Variants in ADGRG6 observed in about 807,000 individuals in gnomAD.
ADGRG6 encodes G-protein coupled receptor 126.
ADGRG6 carries 84 observed loss-of-function variants against 142.4 expected under a neutral mutation model. The ratio of observed to expected loss-of-function variants is 0.59; its 90% CI spans 0.49 to 0.71. ADGRG6 has a LOEUF of 0.71. Among genes scored for constraint, ADGRG6 ranks in the 30% least tolerant of loss-of-function variants. The pLI is 0.00. For missense variants in ADGRG6, 1,367 were observed against 1,466.6 expected (o/e 0.93, Z 1.11); for synonymous variants, 521 against 520.5 (o/e 1.00, Z -0.01).
Position 142,309,590 on chromosome 6 carries a change from C to G in ADGRG6, c.49C>G (p.Pro17Ala), listed in dbSNP as rs1488263634. ...GTGGAGCTGCCATTGGAAATGGAAG[C>G]CCAGTCCTCTCCTGTTCTTATTTGC... is the stretch of plus-strand genomic sequence containing the variant. ...RMWSCHWKWK[P>A]SPLLFLFALY... The change falls in exon 2 of 25, where the codon CCC (proline) becomes GCC (alanine). Residue 17 changes from proline to alanine, a missense_variant. This residue lies in a region of ADGRG6 where 737 missense variants were observed against 746.5 expected (regional missense o/e 0.99). Coordinates refer to ENST00000367609, the MANE Select transcript of ADGRG6 (RefSeq NM_198569.3). The G allele has an allele frequency of 6.2e-7, 1 of 1,609,332 alleles. No individual in the cohort carries two copies. Among genetic ancestry groups the G allele is most frequent in the African/African-American group, 1.3e-5 (1 of 74,794 alleles).
chr6:142,445,456 C>CTTTCTAACTAGTCAGA lies in ADGRG6; in HGVS notation c.*1947_*1962dup, dbSNP rs1777934722. On this transcript the variant is annotated 3_prime_UTR_variant, in exon 25 of 25. Transcript: ENST00000367609. ...TTCATAGTAGATTTTAATTAGTTAG[C>CTTTCTAACTAGTCAGA]TTTCTAACTAGTCAGATTTCTGCCC... The CTTTCTAACTAGTCAGA allele has an allele frequency of 6.6e-6, 1 of 152,144 alleles. No homozygotes were observed. The highest frequency in any genetic ancestry group is 1.5e-5 in the Non-Finnish European group (1 of 68,018). 9.4% of individuals were successfully genotyped at this position (152,144 alleles called of 1,614,324 possible).
chr6:142,302,500 G>A, intron 1 of ADGRG6, 169 bp downstream of exon 1: 1 of 635,844 alleles, frequency 1.6e-6, no homozygotes, highest in Non-Finnish European at 2.6e-6. Flanking sequence ...AGGCACTGAG[G>A]AGTAGGACTA....
At chr6:142,347,602 A>T (rs1779969478) in intron 2 of ADGRG6, among the ~76,000 whole-genome samples, 1 of 152,056 alleles carries the variant, frequency 6.6e-6, no homozygotes, top group Non-Finnish European at 1.5e-5. Context: ...GGATTTTTGT[A>T]GTTGGCCCAG....
intron 2 of ADGRG6, among the ~76,000 whole-genome samples, chr6:142,359,883 G>C (rs1780633426): frequency 6.6e-6 from 1 of 152,100 alleles, no homozygotes. Context: ...AAGATTTGGA[G>C]GTAGAGAAAA....
At chr6:142,344,151 A>C (rs1447009095) in intron 2 of ADGRG6, among the ~76,000 whole-genome samples, 1 of 151,958 alleles carries the variant, frequency 6.6e-6, no homozygotes, top group Non-Finnish European at 1.5e-5. Context: ...TGAAATGTGA[A>C]AAAAAATCCT....
intron 4 of ADGRG6, among the ~76,000 whole-genome samples, chr6:142,377,508 G>A (rs967339053): frequency 1.3e-5 from 2 of 152,242 alleles, no homozygotes; most frequent in Admixed American, 1.3e-4. Context: ...GGGCGGGTGG[G>A]AGATTCTCCG....
chr6:142,370,124 G>C, intron 3 of ADGRG6, 46 bp from the exon 4 acceptor site: 1 of 1,524,558 alleles, frequency 6.6e-7, no homozygotes. Flanking sequence ...ATTAGTCTGT[G>C]TTCTGAAGTT....
At chr6:142,359,324 T>C (rs1780607683) in intron 2 of ADGRG6, among the ~76,000 whole-genome samples, 1 of 152,126 alleles carries the variant, frequency 6.6e-6, no homozygotes, top group Non-Finnish European at 1.5e-5. Flanking sequence ...CTAGCATGGC[T>C]TGCAAAATCC....
intron 2 of ADGRG6, among the ~76,000 whole-genome samples, chr6:142,324,877 T>A (rs1778689992): frequency 6.6e-6 from 1 of 152,098 alleles, no homozygotes; most frequent in Admixed American, 6.6e-5. Flanking sequence ...TAAGAAAGTA[T>A]AGGTACTGCA....
Position 142,302,038 on chromosome 6 carries a change from C to A in ADGRG6, c.-292C>A. The A allele has an allele frequency of 1.9e-6, 1 of 517,042 alleles. No individual in the cohort carries two copies. The highest frequency in any genetic ancestry group is 3.2e-5 in the East Asian group (1 of 31,340). 32.0% of individuals were successfully genotyped at this position (517,042 alleles called of 1,614,324 possible). On this transcript the variant is annotated 5_prime_UTR_variant, in exon 1 of 25. Transcript: ENST00000367609. ...TCCTCAGCACCAGCCCCACGCACACCCTACTTCCTCAGCTTCTCGCCCTCA... is the reference window on the plus strand; with the variant it reads ...TCCTCAGCACCAGCCCCACGCACACACTACTTCCTCAGCTTCTCGCCCTCA...
intron 22 of ADGRG6, among the ~76,000 whole-genome samples, chr6:142,424,758 T>G (rs1477567190): frequency 6.6e-6 from 1 of 152,152 alleles, no homozygotes; most frequent in Non-Finnish European, 1.5e-5. Flanking sequence ...TATTTGTCAT[T>G]CCAGCAAAAA....
intron 2 of ADGRG6, among the ~76,000 whole-genome samples, chr6:142,348,552 C>A (rs748370741): frequency 1.3e-5 from 2 of 151,992 alleles, no homozygotes; most frequent in African/African-American, 2.4e-5. Flanking sequence ...GAGTGGACTT[C>A]AGTAACCAAC....
chr6:142,399,114 T>C (rs1394108147), intron 10 of ADGRG6, among the ~76,000 whole-genome samples: 1 of 152,188 alleles, frequency 6.6e-6, no homozygotes, highest in African/African-American at 2.4e-5. Flanking sequence ...TGTGATTAGG[T>C]ACATTAGTAG....
chr6:142,337,262 A>G (rs1779361546), intron 2 of ADGRG6, among the ~76,000 whole-genome samples: 1 of 152,250 alleles, frequency 6.6e-6, no homozygotes, highest in Non-Finnish European at 1.5e-5. Flanking sequence ...AAAGCCTGCC[A>G]TTAAGGGTGA....
chr6:142,357,389 G>A (rs937576725), intron 2 of ADGRG6, among the ~76,000 whole-genome samples: 22 of 151,944 alleles, frequency 1.4e-4, no homozygotes, highest in African/African-American at 5.1e-4. Context: ...TAAACAAGCT[G>A]TTCATGTAAA....
intron 24 of ADGRG6, among the ~76,000 whole-genome samples, chr6:142,442,278 A>C (rs1450068773): frequency 6.6e-6 from 1 of 152,206 alleles, no homozygotes; most frequent in African/African-American, 2.4e-5. Flanking sequence ...ATAAAAGTTC[A>C]TATCTTCTTT....
At chr6:142,395,007 C>T (rs996346160) in intron 9 of ADGRG6, among the ~76,000 whole-genome samples, 2 of 152,034 alleles carry the variant, frequency 1.3e-5, no homozygotes, top group Non-Finnish European at 2.9e-5. Context: ...ACGGAGCTTG[C>T]TTCTTTTCAG....
intron 22 of ADGRG6, among the ~76,000 whole-genome samples, chr6:142,430,911 A>G (rs1258347391): frequency 1.3e-5 from 2 of 152,140 alleles, no homozygotes; most frequent in East Asian, 1.9e-4. Context: ...GTCTTTCTCT[A>G]GGAGTATTAG....
intron 15 of ADGRG6, 87 bp downstream of exon 15, chr6:142,405,915 TATATC>T (rs1172313084): frequency 2.1e-6 from 2 of 951,790 alleles, no homozygotes; most frequent in South Asian, 1.9e-5. Context: ...TCTGTTGAAA[TATATC>T]AGAAGGTTTA....
Sources: gnomAD v4.1 joint callset for allele counts (sites outside exome capture counted in the v4.1 genomes callset) on GRCh38, gnomAD v4.1.1 for gene constraint, gnomAD v4.1.1 regional missense constraint, MANE v1.5 for transcripts, NCBI Gene and HGNC (gene_info 2026-07-23, HGNC 2026-07-21) for gene names.